The following DUOX1 variants were observed in gnomAD, a reference collection of about 807,000 sequenced individuals.
The protein encoded by DUOX1 is NADPH thyroid oxidase 1.
A neutral mutation model predicts 181.8 loss-of-function variants in DUOX1; 134 were observed. That is an observed-to-expected ratio of 0.74 (90% CI 0.64 to 0.85). DUOX1 has a LOEUF of 0.85. DUOX1 is among the 40% of genes least tolerant of loss of function. The pLI is 0.00. For missense variants in DUOX1, 1,814 were observed against 2,064.4 expected, an observed-to-expected ratio of 0.88 and a Z score of 2.35; for synonymous variants, 798 against 832.5, an observed-to-expected ratio of 0.96 and a Z score of 0.71.
chr15:45,146,632 A>G (rs1204713065), intron 18 of DUOX1, among the ~76,000 whole-genome samples: 1 of 152,372 alleles, frequency 6.6e-6, no homozygotes, highest in East Asian at 1.9e-4. Flanking sequence ...GCATGAGGTC[A>G]TTCAGCAAGC....
At chr15:45,139,192 G>T (rs1464153505) in intron 11 of DUOX1, 24 bp downstream of exon 11, 1 of 1,614,036 alleles carries the variant, frequency 6.2e-7, no homozygotes. Context: ...TGTCCCTGCA[G>T]GTTGTGAACT....
At position 45,161,000 on chromosome 15, in the gene DUOX1, T is replaced by C; in HGVS notation, c.3856+10T>C. ...GAGCTGCTGCCCTCAGGTACCAGCC[T>C]GGCAGGAGATCAGCTTGGTGACACT... On this transcript the variant is annotated intron_variant, in intron 29 of 33. Transcript: ENST00000389037. 1 of 1,614,020 alleles carries C rather than the reference T, an allele frequency of 6.2e-7. No individual in the cohort carries two copies. Among genetic ancestry groups the C allele is most frequent in the Non-Finnish European group, 8.5e-7 (1 of 1,179,996 alleles).
At chr15:45,153,894 A>G in intron 26 of DUOX1, 57 bp from the exon 27 acceptor site, 2 of 1,507,958 alleles carry the variant, frequency 1.3e-6, no homozygotes, top group South Asian at 1.2e-5. Flanking sequence ...CTCAAAAAAA[A>G]AAAAAAGAGA....
intron 21 of DUOX1, among the ~76,000 whole-genome samples, chr15:45,149,387 C>T (rs145711521): frequency 6.6e-6 from 1 of 152,156 alleles, no homozygotes; most frequent in Non-Finnish European, 1.5e-5. Flanking sequence ...GCAGGGGCAA[C>T]GAAGGTGCAT....
chr15:45,143,195 C>T lies in DUOX1; in HGVS notation c.1828C>T (p.Leu610=), dbSNP rs186043705. The T allele has an allele frequency of 2.9e-5, 47 of 1,614,024 alleles. No individual in the cohort carries two copies. The East Asian group carries it at 6.5e-4, about 22-fold the overall frequency. The change falls in exon 16 of 34, where the codon CTG becomes TTG. Residue 610 remains leucine, a synonymous_variant. Transcript: ENST00000389037. Reference sequence around the variant, plus strand: ...CTCTGCCTCTGCCCTCCCAGTGAGCCTGCTCAGTGCCTGGATTGTTGCCCG... The same window carrying T: ...CTCTGCCTCTGCCCTCCCAGTGAGCTTGCTCAGTGCCTGGATTGTTGCCCG... ...GTLCCFPLVS[L]LSAWIVARLR...
At chr15:45,136,460 G>A (rs973434544) in intron 8 of DUOX1, 50 bp downstream of exon 8, 5 of 1,613,870 alleles carry the variant, frequency 3.1e-6, no homozygotes, top group Non-Finnish European at 4.2e-6. Flanking sequence ...GTCTTGCGGG[G>A]TGGGGTGGGG....
intron 29 of DUOX1, among the ~76,000 whole-genome samples, chr15:45,161,262 T>C (rs1473620881): frequency 6.8e-6 from 1 of 146,450 alleles, no homozygotes; most frequent in Non-Finnish European, 1.5e-5. Flanking sequence ...AAAAAAAAAA[T>C]ACAAAAATTA....
intron 2 of DUOX1, 140 bp from the exon 3 acceptor site, chr15:45,133,724 A>G (rs919007646): frequency 1.4e-6 from 1 of 716,060 alleles, no homozygotes; most frequent in Admixed American, 2.3e-5. Flanking sequence ...TTCCCTCTGC[A>G]CCCTACCTCT....
chr15:45,139,052 C>A lies in DUOX1; in HGVS notation c.1114-14C>A. ...TAACCACACCCCTTTCCTCCCCACC[C>A]CCAACCTATAAAGCACCCAAGCCTA... On this transcript the variant is annotated splice_polypyrimidine_tract_variant and intron_variant, in intron 10 of 33. Transcript: ENST00000389037. The A allele has an allele frequency of 3.1e-6, 5 of 1,611,322 alleles. No homozygotes were observed. Among genetic ancestry groups the A allele is most frequent in the Non-Finnish European group, 4.2e-6 (5 of 1,178,566 alleles).
chr15:45,136,335 C>T lies in DUOX1; in HGVS notation c.865-15C>T. ...ATCCAACTCGTGCCTCCCCTCGCCCCTCTCTGCCCCTCAGAACATCGCTGT... is the reference window on the plus strand; with the variant it reads ...ATCCAACTCGTGCCTCCCCTCGCCCTTCTCTGCCCCTCAGAACATCGCTGT... On this transcript the variant is annotated splice_polypyrimidine_tract_variant and intron_variant, in intron 7 of 33. Transcript: ENST00000389037. The T allele has an allele frequency of 1.9e-6, 3 of 1,613,254 alleles. No individual in the cohort carries two copies. The East Asian group carries it at 6.7e-5, about 36-fold the overall frequency.
intron 25 of DUOX1, 70 bp downstream of exon 25, chr15:45,152,586 G>A (rs557482197): frequency 4.8e-5 from 67 of 1,384,922 alleles, no homozygotes; most frequent in Admixed American, 7.2e-5. Context: ...TCGTATGAGA[G>A]CCCCCCTCTC....
In DUOX1 at chr15:45,148,344, G is replaced by A; in HGVS notation, c.2715G>A (p.Arg905=). The change falls in exon 21 of 34, where the codon CGG becomes CGA. Residue 905 remains arginine (R), a synonymous_variant. Coordinates refer to ENST00000389037, the MANE Select transcript of DUOX1 (RefSeq NM_175940.3). ...CTGAGGTGGTGGAGTCCATGTTCCG[G>A]GAGTCGGGATTCCAGGACAAGGAGG... ...QLAEVVESMF[R]ESGFQDKEEL... The A allele has an allele frequency of 1.9e-6, 3 of 1,614,240 alleles. No homozygotes were observed. Among genetic ancestry groups the A allele is most frequent in the Non-Finnish European group, 2.5e-6 (3 of 1,180,040 alleles).
intron 18 of DUOX1, 30 bp downstream of exon 18, chr15:45,145,110 T>C (rs370637938): frequency 1.5e-5 from 24 of 1,551,918 alleles, no homozygotes; most frequent in Admixed American, 1.2e-4. Flanking sequence ...TCAATCCTTA[T>C]GCTGTGGTGG....
chr15:45,135,387 C>T (rs970329768), intron 5 of DUOX1, 87 bp from the exon 6 acceptor site: 4 of 1,502,172 alleles, frequency 2.7e-6, no homozygotes, highest in Non-Finnish European at 3.5e-6. Flanking sequence ...GGCGCCCACT[C>T]CCCAGCCGCG....
chr15:45,164,029 C>T (rs1237444041), intron 33 of DUOX1, 111 bp downstream of exon 33: 4 of 1,461,462 alleles, frequency 2.7e-6, no homozygotes, highest in South Asian at 2.6e-5. Context: ...AGAACCCATC[C>T]CCTGGGAGAT....
intron 18 of DUOX1, 41 bp downstream of exon 18, chr15:45,145,121 T>C: frequency 6.6e-7 from 1 of 1,506,952 alleles, no homozygotes; most frequent in Non-Finnish European, 8.9e-7. Context: ...GCTGTGGTGG[T>C]GTCCTTACCT....
intron 21 of DUOX1, among the ~76,000 whole-genome samples, chr15:45,149,783 G>A (rs1162421229): frequency 2.6e-5 from 4 of 152,158 alleles, no homozygotes; most frequent in Admixed American, 6.5e-5. Flanking sequence ...ACCAGGAGGC[G>A]GAGGCTGTAG....
At chr15:45,151,098 C>CT in intron 22 of DUOX1, 25 bp from the exon 23 acceptor site, 2 of 1,613,192 alleles carry the variant, frequency 1.2e-6, no homozygotes, top group South Asian at 2.2e-5. Flanking sequence ...GGCCAGCATC[C>CT]TATCTCTTAC....
At position 45,137,986 on chromosome 15, in the gene DUOX1, G is replaced by C; in HGVS notation, c.1085G>C (p.Arg362Pro). ...NRNSSVSRAL[R>P]VCNSYWSREH... ...AACTCAAGTGTCTCCAGAGCTCTCCGGGTCTGCAACAGCTACTGGAGCCGT... is the reference window on the plus strand; with the variant it reads ...AACTCAAGTGTCTCCAGAGCTCTCCCGGTCTGCAACAGCTACTGGAGCCGT... The change falls in exon 10 of 34, where the codon CGG becomes CCG. Residue 362 changes from arginine (R) to proline (P), a missense_variant. Transcript: ENST00000389037. The C allele has an allele frequency of 1.2e-6, 2 of 1,610,736 alleles. No individual in the cohort carries two copies. Among genetic ancestry groups the C allele is most frequent in the Non-Finnish European group, 1.7e-6 (2 of 1,178,128 alleles).
Sources: gnomAD v4.1 joint callset for allele counts (sites outside exome capture counted in the v4.1 genomes callset) on GRCh38, gnomAD v4.1.1 for gene constraint, MANE v1.5 for transcripts, NCBI Gene and HGNC (gene_info 2026-07-23, HGNC 2026-07-21) for gene names.